Variants in RHOJ observed in about 807,000 individuals in gnomAD.
RHOJ encodes the protein rho-related GTP-binding protein RhoJ.
RHOJ carries 11 observed loss-of-function variants against 23.4 expected under a neutral mutation model. That is an observed-to-expected ratio of 0.47 (90% CI 0.30 to 0.78). RHOJ has a LOEUF of 0.78. RHOJ is among the 30% of genes least tolerant of loss of function. The pLI, the probability that RHOJ is intolerant of heterozygous loss-of-function variation, is 0.08. For synonymous variants in RHOJ, 102 were observed against 102.7 expected (o/e 0.99, Z 0.04); for missense variants, 254 against 273.4 (o/e 0.93, Z 0.50).
chr14:63,266,545 A>G (rs1193237319), intron 1 of RHOJ, among the ~76,000 whole-genome samples: 1 of 152,174 alleles, frequency 6.6e-6, no homozygotes, highest in Non-Finnish European at 1.5e-5. Context: ...AACAATGTTG[A>G]TTCTTCCAAT....
At chr14:63,212,405 C>G (rs1387520870) in intron 1 of RHOJ, among the ~76,000 whole-genome samples, 1 of 152,174 alleles carries the variant, frequency 6.6e-6, no homozygotes, top group East Asian at 1.9e-4. Context: ...AAAACTCACT[C>G]TTTTCCCCAG....
chr14:63,239,524 T>C (rs538638853), intron 1 of RHOJ, among the ~76,000 whole-genome samples: 1 of 152,374 alleles, frequency 6.6e-6, no homozygotes, highest in African/African-American at 2.4e-5. Context: ...CCTGTCATTC[T>C]AAGAACATTT....
chr14:63,245,264 G>T (rs772759376), intron 1 of RHOJ, among the ~76,000 whole-genome samples: 1 of 151,874 alleles, frequency 6.6e-6, no homozygotes, highest in Non-Finnish European at 1.5e-5. Context: ...ACTCATAATA[G>T]AAAAGATGTT....
chr14:63,265,146 T>C (rs1046847720), intron 1 of RHOJ, among the ~76,000 whole-genome samples: 6 of 152,368 alleles, frequency 3.9e-5, no homozygotes, highest in Admixed American at 2.6e-4. Context: ...ATTCTAGAAT[T>C]CTGATAGTTT....
rs139450643 is a variant in RHOJ, at chr14:63,267,634, T to A, written c.179-1476T>A. 7.9e-5 allele frequency among the ~76,000 whole-genome samples: 12 copies of A among 152,342 alleles called. No individual in the cohort carries two copies. In the East Asian group the frequency reaches 1.5e-3, roughly 20 times the overall value. ...CTGGGCTCTCTTCTACCATTGTGCA[T>A]GAAGAGGAAAAATTAAACAGGACAA... On this transcript the variant is annotated intron_variant, in intron 1 of 4. Coordinates refer to ENST00000316754, the MANE Select transcript of RHOJ (RefSeq NM_020663.5).
intron 1 of RHOJ, among the ~76,000 whole-genome samples, chr14:63,208,171 T>C (rs1195875523): frequency 6.6e-6 from 1 of 152,194 alleles, no homozygotes. Flanking sequence ...CTACGCAAAA[T>C]TATTTTGAAT....
chr14:63,219,089 T>A lies in RHOJ; in HGVS notation c.178+14042T>A, dbSNP rs1175376921. On this transcript the variant is annotated intron_variant, in intron 1 of 4. Transcript: ENST00000316754. ...GCCTCAGCTTTCCTATCTTTCACCATCTCTTGAGCAATTTAGAAGCTTGTT... is the reference window on the plus strand; with the variant it reads ...GCCTCAGCTTTCCTATCTTTCACCAACTCTTGAGCAATTTAGAAGCTTGTT... Among the ~76,000 whole-genome samples the A allele has an allele frequency of 2.6e-5, 4 of 152,270 alleles. No individual in the cohort carries two copies. The South Asian group carries it at 6.2e-4, about 24-fold the overall frequency.
chr14:63,284,832 T>A (rs1178054727), intron 4 of RHOJ, among the ~76,000 whole-genome samples: 1 of 152,124 alleles, frequency 6.6e-6, no homozygotes, highest in East Asian at 1.9e-4. Context: ...ATTGGGGAAG[T>A]TGTTTTTTTT....
intron 4 of RHOJ, among the ~76,000 whole-genome samples, chr14:63,285,376 T>C (rs999551385): frequency 4.6e-5 from 7 of 152,202 alleles, no homozygotes; most frequent in Non-Finnish European, 1.0e-4. Flanking sequence ...GCTTCTTTTT[T>C]ATATACTGGA....
intron 2 of RHOJ, among the ~76,000 whole-genome samples, chr14:63,270,657 T>C (rs971617003): frequency 2.0e-5 from 3 of 152,214 alleles, no homozygotes; most frequent in Admixed American, 2.0e-4. Flanking sequence ...ACATAATCAC[T>C]GGGGTGTCCC....
intron 1 of RHOJ, among the ~76,000 whole-genome samples, chr14:63,215,161 A>C (rs1894327250): frequency 6.6e-6 from 1 of 152,226 alleles, no homozygotes; most frequent in Non-Finnish European, 1.5e-5. Context: ...GAAAGAAAAC[A>C]AAAACAGAAA....
chr14:63,288,158 T>C, intron 4 of RHOJ: 3 of 984,714 alleles, frequency 3.0e-6, no homozygotes, highest in Non-Finnish European at 3.6e-6. Context: ...TACACAATAA[T>C]GCCTTTATCT....
Position 63,205,016 on chromosome 14 carries a change from A to G in RHOJ, c.147A>G (p.Glu49=), listed in dbSNP as rs1388770616. The change falls in exon 1 of 5, where the codon GAA becomes GAG. Residue 49 remains glutamate, a synonymous_variant. Coordinates refer to ENST00000316754, the MANE Select transcript of RHOJ (RefSeq NM_020663.5). ...ACGCCAACGACGCCTTCCCAGAGGA[A>G]TACGTGCCCACTGTGTTTGACCACT... ...MSYANDAFPE[E]YVPTVFDHYA... 1.9e-6 allele frequency: 3 copies of G among 1,614,200 alleles called. No individual in the cohort carries two copies. The highest frequency in any genetic ancestry group is 3.3e-5 in the Admixed American group (2 of 60,022).
chr14:63,230,861 G>C (rs1442055528), intron 1 of RHOJ, among the ~76,000 whole-genome samples: 1 of 65,768 alleles, frequency 1.5e-5, no homozygotes, highest in Non-Finnish European at 2.4e-5. Context: ...TTTTTTTTTA[G>C]ATGGAGTCTC....
At chr14:63,243,285 T>G in intron 1 of RHOJ, among the ~76,000 whole-genome samples, 1 of 152,192 alleles carries the variant, frequency 6.6e-6, no homozygotes, top group East Asian at 1.9e-4. Context: ...CAAAACTAGC[T>G]GCTCCTATTC....
chr14:63,235,579 A>C (rs1172474621), intron 1 of RHOJ, among the ~76,000 whole-genome samples: 2 of 152,196 alleles, frequency 1.3e-5, no homozygotes, highest in Non-Finnish European at 2.9e-5. Context: ...AATGGTTAAC[A>C]CTGCTGAATG....
intron 1 of RHOJ, among the ~76,000 whole-genome samples, chr14:63,242,634 G>A (rs1894903749): frequency 6.6e-6 from 1 of 152,160 alleles, no homozygotes; most frequent in Non-Finnish European, 1.5e-5. Context: ...CCTTCTCTGT[G>A]CCTCACTGCT....
intron 1 of RHOJ, among the ~76,000 whole-genome samples, chr14:63,230,836 C>A (rs1371743934): frequency 1.4e-4 from 15 of 107,470 alleles, no homozygotes; most frequent in East Asian, 4.1e-4. Flanking sequence ...TACAAGGGTA[C>A]AAGGCTTTTT....
At chr14:63,219,666 C>T (rs568094918) in intron 1 of RHOJ, among the ~76,000 whole-genome samples, 54 of 152,128 alleles carry the variant, frequency 3.5e-4, no homozygotes, top group Middle Eastern at 3.4e-3. Context: ...AAATACAAAA[C>T]TTAGCTGTGT....
Sources: gnomAD v4.1 joint callset for allele counts (sites outside exome capture counted in the v4.1 genomes callset) on GRCh38, gnomAD v4.1.1 for gene constraint, MANE v1.5 for transcripts, NCBI Gene and HGNC (gene_info 2026-07-23, HGNC 2026-07-21) for gene names.